ABRAXAS2: variants seen among roughly 807,000 people sequenced by gnomAD.
ABRAXAS2 encodes the protein BRISC complex subunit Abraxas 2.
Under a neutral mutation model 49.0 loss-of-function variants are expected in ABRAXAS2, and 23 were observed. The ratio of observed to expected loss-of-function variants is 0.47; its 90% CI spans 0.34 to 0.66. ABRAXAS2 has a LOEUF of 0.66. Ranked by LOEUF, ABRAXAS2 falls within the 30% of genes least tolerant of loss-of-function variation. The pLI, the probability that ABRAXAS2 is intolerant of heterozygous loss-of-function variation, is 0.01. For missense variants in ABRAXAS2, 443 were observed against 511.9 expected (o/e 0.87, Z 1.30); for synonymous variants, 168 against 180.2 (o/e 0.93, Z 0.54).
chr10:124,820,054 G>A (rs976574117), intron 4 of ABRAXAS2, among the ~76,000 whole-genome samples: 3 of 152,166 alleles, frequency 2.0e-5, no homozygotes, highest in Non-Finnish European at 2.9e-5. Flanking sequence ...ACCATCTCTT[G>A]AGGAAGAAAG....
intron 8 of ABRAXAS2, among the ~76,000 whole-genome samples, chr10:124,832,329 A>T (rs1950938832): frequency 6.6e-6 from 1 of 152,198 alleles, no homozygotes; most frequent in Non-Finnish European, 1.5e-5. Flanking sequence ...TAAACCTAAT[A>T]ATTCCAGCAT....
chr10:124,833,567 G>T (rs1950948605), intron 8 of ABRAXAS2, among the ~76,000 whole-genome samples: 1 of 152,180 alleles, frequency 6.6e-6, no homozygotes, highest in Non-Finnish European at 1.5e-5. Flanking sequence ...AATAAAACTG[G>T]AGTTCAGCAA....
intron 2 of ABRAXAS2, among the ~76,000 whole-genome samples, chr10:124,808,082 C>T (rs992040581): frequency 6.6e-6 from 1 of 152,168 alleles, no homozygotes; most frequent in African/African-American, 2.4e-5. Context: ...AAATAGAGGT[C>T]ATAGTCCTTT....
chr10:124,823,044 A>T (rs1950872510), intron 4 of ABRAXAS2, among the ~76,000 whole-genome samples: 2 of 152,116 alleles, frequency 1.3e-5, no homozygotes, highest in Admixed American at 6.6e-5. Flanking sequence ...GCAATTAGTG[A>T]TATGAGTTTG....
intron 7 of ABRAXAS2, among the ~76,000 whole-genome samples, chr10:124,830,473 G>A (rs2134172663): frequency 6.6e-6 from 1 of 152,162 alleles, no homozygotes; most frequent in East Asian, 1.9e-4. Flanking sequence ...AAGGATGAAG[G>A]CCTCAGTGAG....
intron 7 of ABRAXAS2, among the ~76,000 whole-genome samples, chr10:124,830,658 C>T (rs1950927198): frequency 6.6e-6 from 1 of 152,222 alleles, no homozygotes. Context: ...AGCCTACTTT[C>T]TGGAAGCTTC....
chr10:124,802,400 G>C (rs1950712128), intron 1 of ABRAXAS2, among the ~76,000 whole-genome samples: 1 of 152,254 alleles, frequency 6.6e-6, no homozygotes, highest in African/African-American at 2.4e-5. Context: ...AGACACGGTT[G>C]TGTGTTTTCT....
intron 5 of ABRAXAS2, among the ~76,000 whole-genome samples, chr10:124,828,329 G>A (rs1401764576): frequency 6.6e-6 from 1 of 151,960 alleles, no homozygotes; most frequent in Admixed American, 6.6e-5. Flanking sequence ...GGGACTATAG[G>A]CACATGCCAC....
chr10:124,835,207 G>A lies in ABRAXAS2; in HGVS notation c.*236G>A, dbSNP rs992621427. On this transcript the variant is annotated 3_prime_UTR_variant, in exon 9 of 9. Transcript: ENST00000298492. ...AATCAAATTGTCCTAATTCTGGTGCGATTCATGGATATACTGGTAAATTTA... is the reference window on the plus strand; with the variant it reads ...AATCAAATTGTCCTAATTCTGGTGCAATTCATGGATATACTGGTAAATTTA... 4 of 390,862 alleles carry A rather than the reference G, an allele frequency of 1.0e-5. No individual in the cohort carries two copies. The highest frequency in any genetic ancestry group is 4.2e-5 in the Admixed American group (1 of 24,090). The allele number at this position is 390,862 out of a possible 1,614,324, so 24.2% of individuals were successfully genotyped here. A position where few individuals can be genotyped will look rare whatever the true frequency, so the allele number is the denominator to read the frequency against.
Position 124,826,740 on chromosome 10 carries a change from A to G in ABRAXAS2, c.413A>G (p.Asn138Ser), listed in dbSNP as rs1322795367. The change falls in exon 5 of 9, where the codon AAT (asparagine) becomes AGT (serine). Residue 138 changes from asparagine (N) to serine (S), a missense_variant. By Grantham distance (46) the Asn-to-Ser change is conservative (BLOSUM62 1). Around this residue, in one of 3 missense-constraint regions of ABRAXAS2, gnomAD observed 166 missense variants for 247.3 expected, o/e 0.67. Coordinates refer to ENST00000298492, the MANE Select transcript of ABRAXAS2 (RefSeq NM_032182.4). ...LLFSFISTAN[N>S]STHALEYVLF... is the part of the protein sequence containing the mutation. ...TTCAGCTTCATCTCCACTGCCAACA[A>G]TTCCACTCACGCTTTAGAATATGTG... 5.0e-6 allele frequency: 8 copies of G among 1,614,000 alleles called. No individual in the cohort carries two copies. In the African/African-American group the frequency reaches 5.3e-5, roughly 11 times the overall value.
chr10:124,831,844 T>C lies in ABRAXAS2; in HGVS notation c.778+381T>C, dbSNP rs398046372. Reference sequence around the variant, plus strand: ...AGCAGGTAGGCACTGTGTCCTGTCTTTTTTTTTTTTTTTTTTTTTTTTTTT... The same window carrying C: ...AGCAGGTAGGCACTGTGTCCTGTCTCTTTTTTTTTTTTTTTTTTTTTTTTT... On this transcript the variant is annotated intron_variant, in intron 8 of 8. Transcript: ENST00000298492. Among the ~76,000 whole-genome samples, 18 of 35,236 alleles carry C rather than the reference T, an allele frequency of 5.1e-4. No homozygotes were observed. The Admixed American group carries it at 7.5e-3, about 15-fold the overall frequency. The allele number at this position is 35,236 out of a possible 152,430, so 23.1% of individuals were successfully genotyped here.
At chr10:124,809,789 G>A (rs916192502) in intron 2 of ABRAXAS2, among the ~76,000 whole-genome samples, 1 of 123,672 alleles carries the variant, frequency 8.1e-6, no homozygotes, top group Non-Finnish European at 1.7e-5. Context: ...TTTCACTCTT[G>A]TTTCCCAGGC....
intron 2 of ABRAXAS2, among the ~76,000 whole-genome samples, chr10:124,808,766 A>C (rs916607407): frequency 1.3e-5 from 2 of 152,230 alleles, no homozygotes; most frequent in Non-Finnish European, 1.5e-5. Context: ...TGCATAAAAC[A>C]CATAGCGAAT....
At position 124,807,032 on chromosome 10, in the gene ABRAXAS2, G is replaced by A. The variant is rs185064372; in HGVS notation, c.163+111G>A. 729 of 847,818 alleles carry A rather than the reference G, an allele frequency of 8.6e-4. 4 individuals carry two copies. The African/African-American group carries it at 0.011, about 13-fold the overall frequency. 52.5% of individuals were successfully genotyped at this position (847,818 alleles called of 1,614,324 possible). A position where few individuals can be genotyped will look rare whatever the true frequency, so the allele number is the denominator to read the frequency against. On this transcript the variant is annotated intron_variant, in intron 2 of 8. Coordinates refer to ENST00000298492, the MANE Select transcript of ABRAXAS2 (RefSeq NM_032182.4). ...TTATCCTAAAGAATTCAAAGAGTAT[G>A]CCAGGCGCGGTGGCTCACGCCTGTA...
In ABRAXAS2 at chr10:124,834,979, A is replaced by G. The variant is rs188482475; in HGVS notation, c.*8A>G. 7.5e-5 allele frequency: 118 copies of G among 1,574,554 alleles called. No individual in the cohort carries two copies. In the East Asian group the frequency reaches 2.6e-3, roughly 35 times the overall value. ...CAGACCTCCCAGATTTAACTAAACA[A>G]AAGAAACTCTCCACCTAGCACTGTT... On this transcript the variant is annotated 3_prime_UTR_variant, in exon 9 of 9. Coordinates refer to ENST00000298492, the MANE Select transcript of ABRAXAS2 (RefSeq NM_032182.4).
At chr10:124,834,159 G>A (rs558675349) in intron 8 of ABRAXAS2, among the ~76,000 whole-genome samples, 10 of 152,242 alleles carry the variant, frequency 6.6e-5, no homozygotes, top group South Asian at 4.1e-4. Context: ...GTTGTGGAGC[G>A]ACAGAGCCTG....
intron 3 of ABRAXAS2, among the ~76,000 whole-genome samples, chr10:124,818,352 C>T (rs1016092106): frequency 1.3e-4 from 20 of 149,702 alleles, no homozygotes; most frequent in African/African-American, 3.7e-4. Context: ...GCCGAGATCG[C>T]GCCACTGCAC....
intron 5 of ABRAXAS2, among the ~76,000 whole-genome samples, chr10:124,828,435 G>A (rs1302455882): frequency 6.6e-6 from 1 of 152,112 alleles, no homozygotes; most frequent in East Asian, 1.9e-4. Context: ...CACAATCTTG[G>A]CTCATTGCAA....
At chr10:124,823,536 G>A (rs1368571701) in intron 4 of ABRAXAS2, among the ~76,000 whole-genome samples, 1 of 152,176 alleles carries the variant, frequency 6.6e-6, no homozygotes, top group African/African-American at 2.4e-5. Flanking sequence ...AACAGTAACT[G>A]AAACAGCCAT....
Sources: gnomAD v4.1 joint callset for allele counts (sites outside exome capture counted in the v4.1 genomes callset) on GRCh38, gnomAD v4.1.1 for gene constraint, gnomAD v4.1.1 regional missense constraint, MANE v1.5 for transcripts, NCBI Gene and HGNC (gene_info 2026-07-23, HGNC 2026-07-21) for gene names.